The following DAPK2 variants were observed in gnomAD, a reference collection of about 807,000 sequenced individuals.
DAPK2 encodes death-associated protein kinase 2.
DAPK2 carries 35 observed loss-of-function variants against 44.1 expected under a neutral mutation model. The observed-to-expected ratio is 0.79, with a 90% CI of 0.61 to 1.05. DAPK2 has a LOEUF of 1.05. DAPK2 is among the 50% of genes least tolerant of loss of function. DAPK2 has a pLI of 0.00. For missense variants in DAPK2, 453 were observed against 483.2 expected (o/e 0.94, Z 0.59); for synonymous variants, 174 against 182.6 (o/e 0.95, Z 0.38).
In DAPK2 at chr15:63,990,355, G is replaced by A. The variant is rs1349762248; in HGVS notation, c.93-6601C>T. The stretch of plus-strand genomic sequence containing the variant: ...AAGCACAATAATTGTTTGAACCTGG[G>A]AGGTGGAGGTTGCAGTGAGCTGAGA... On this transcript the variant is annotated intron_variant, in intron 1 of 10. Transcript: ENST00000261891. The surrounding 1 kb of genome is among the most constrained non-coding windows in gnomAD (Gnocchi z 4.3). Among the ~76,000 whole-genome samples the A allele has an allele frequency of 1.3e-5, 2 of 151,998 alleles. No individual in the cohort carries two copies. The highest frequency in any genetic ancestry group is 2.9e-5 in the Non-Finnish European group (2 of 68,004).
intron 3 of DAPK2, among the ~76,000 whole-genome samples, chr15:63,957,111 T>G (rs527873082): frequency 1.3e-5 from 2 of 152,390 alleles, no homozygotes; most frequent in East Asian, 3.9e-4. Context: ...CAATGTTGGA[T>G]GCATACATAT....
At chr15:63,938,980 C>T (rs1049790906) in intron 4 of DAPK2, among the ~76,000 whole-genome samples, 3 of 152,190 alleles carry the variant, frequency 2.0e-5, no homozygotes, top group Non-Finnish European at 4.4e-5. Flanking sequence ...TTTAACCTTA[C>T]AGGCTGTAGC....
At chr15:64,039,359 G>A (rs1339369627) in intron 1 of DAPK2, among the ~76,000 whole-genome samples, 3 of 152,192 alleles carry the variant, frequency 2.0e-5, no homozygotes, top group African/African-American at 7.2e-5. Context: ...GGTGCAAAAT[G>A]GACTGGTCAG....
chr15:63,967,032 T>A (rs62021463), intron 3 of DAPK2, among the ~76,000 whole-genome samples: 14,940 of 151,700 alleles, frequency 0.098, 982 homozygotes, highest in Middle Eastern at 0.22. Context: ...ACAAAAAAAT[T>A]AGCCGGGCAT....
chr15:63,953,399 C>T (rs974745889), intron 3 of DAPK2, among the ~76,000 whole-genome samples: 6 of 152,172 alleles, frequency 3.9e-5, no homozygotes, highest in Non-Finnish European at 8.8e-5. Flanking sequence ...TGGCTTATTT[C>T]ACTTAACATA....
chr15:63,945,407 C>T (rs1296139132), intron 3 of DAPK2, among the ~76,000 whole-genome samples: 2 of 152,182 alleles, frequency 1.3e-5, no homozygotes, highest in Admixed American at 6.5e-5. Flanking sequence ...TTGAAAGAAT[C>T]CAGGGCCAGA....
At chr15:63,971,681 C>A in intron 2 of DAPK2, 120 bp from the exon 4 acceptor site, 1 of 1,084,150 alleles carries the variant, frequency 9.2e-7, no homozygotes, top group Admixed American at 2.8e-5. Flanking sequence ...ATGGCAGAAT[C>A]CCCCTGGCTT....
intron 1 of DAPK2, among the ~76,000 whole-genome samples, chr15:64,024,720 T>A (rs2079789162): frequency 6.6e-6 from 1 of 152,184 alleles, no homozygotes; most frequent in South Asian, 2.1e-4. Flanking sequence ...ATCTTGTCTC[T>A]TAGCCTGCAA....
In DAPK2 at chr15:63,912,292, G is replaced by A. The variant is rs1026455822; in HGVS notation, c.859-95C>T. Reference sequence around the variant, plus strand: ...ACTCCCCACCCACCGCATGCCCACCGCCCTTGGCTTGACCCTGGCATCTCC... The same window carrying A: ...ACTCCCCACCCACCGCATGCCCACCACCCTTGGCTTGACCCTGGCATCTCC... On this transcript the variant is annotated intron_variant, in intron 8 of 10. Coordinates refer to ENST00000261891, the Ensembl canonical transcript of DAPK2. This position sits in a 1 kb window ranked among gnomAD's most constrained non-coding sequence, Gnocchi z 4.4. The A allele has an allele frequency of 1.1e-4, 144 of 1,288,644 alleles. No individual in the cohort carries two copies. Among genetic ancestry groups the A allele is most frequent in the Admixed American group, 7.3e-5 (4 of 54,604 alleles). The allele number at this position is 1,288,644 out of a possible 1,614,324, so 79.8% of individuals were successfully genotyped here.
chr15:63,924,285 C>G (rs2079175015), intron 8 of DAPK2, among the ~76,000 whole-genome samples: 1 of 152,200 alleles, frequency 6.6e-6, no homozygotes, highest in East Asian at 1.9e-4. Flanking sequence ...CCAGAGGGAA[C>G]AGAATTGCCC....
chr15:64,029,268 TG>T (rs1480132723), intron 1 of DAPK2, among the ~76,000 whole-genome samples: 1 of 152,196 alleles, frequency 6.6e-6, no homozygotes, highest in African/African-American at 2.4e-5. Flanking sequence ...TTTGTCTGAG[TG>T]GCTTTGTGCT....
chr15:63,962,392 G>A (rs1022479662), intron 3 of DAPK2, among the ~76,000 whole-genome samples: 14 of 152,340 alleles, frequency 9.2e-5, no homozygotes, highest in South Asian at 8.3e-4. Context: ...CATTGCTGGC[G>A]AGGAGCTGCG....
rs1312970183 is a variant in DAPK2 at position 63,923,250 on chromosome 15, A to G, written c.858+1566T>C. On this transcript the variant is annotated intron_variant, in intron 8 of 10. Coordinates refer to ENST00000261891, the Ensembl canonical transcript of DAPK2. This position sits in a 1 kb window ranked among gnomAD's most constrained non-coding sequence, Gnocchi z 4.2. ...TAGGAGTTGTTGGGAGGCATGCTTG[A>G]GTGGCATTTGAGAGTGTACTCTCTC... The G allele has an allele frequency of 2.0e-6, 3 of 1,535,762 alleles. No individual in the cohort carries two copies. In the African/African-American group the frequency reaches 4.1e-5, roughly 21 times the overall value.
At chr15:63,991,944 CA>C (rs1373931257) in intron 1 of DAPK2, among the ~76,000 whole-genome samples, 1 of 152,166 alleles carries the variant, frequency 6.6e-6, no homozygotes, top group African/African-American at 2.4e-5. Context: ...GGGCCTGCAG[CA>C]GCTGCTTTTA....
intron 2 of DAPK2, among the ~76,000 whole-genome samples, chr15:63,971,884 A>G (rs932566976): frequency 2.6e-5 from 4 of 152,202 alleles, no homozygotes; most frequent in African/African-American, 9.7e-5. Context: ...ATGGCAGGGG[A>G]CAAAAACAAG....
chr15:63,995,023 A>G (rs942073267), intron 1 of DAPK2, among the ~76,000 whole-genome samples: 4 of 152,136 alleles, frequency 2.6e-5, no homozygotes, highest in East Asian at 1.9e-4. Context: ...TTAATATCTA[A>G]TTTTAAATGG....
At position 64,002,954 on chromosome 15, in the gene DAPK2, G is replaced by GTCGTGGGACC. The variant is rs1567266462; in HGVS notation, c.93-19201_93-19200insGGTCCCACGA. Among the ~76,000 whole-genome samples, 229 of 128,422 alleles carry GTCGTGGGACC rather than the reference G, an allele frequency of 1.8e-3. 1 individual carries two copies. The highest frequency in any genetic ancestry group is 8.7e-3 in the East Asian group (35 of 4,010). 84.2% of individuals were successfully genotyped at this position (128,422 alleles called of 152,430 possible). On this transcript the variant is annotated intron_variant, in intron 1 of 10. Transcript: ENST00000261891. ...TGTGTGTGTGTGTGTGTGTGTGTGTGTGTGTGTGTGTCGTGGGACCTGTGT... is the reference window on the plus strand; with the variant it reads ...TGTGTGTGTGTGTGTGTGTGTGTGTGTCGTGGGACCTGTGTGTGTGTCGTGGGACCTGTGT...
At chr15:64,000,155 G>T (rs887702871) in intron 1 of DAPK2, among the ~76,000 whole-genome samples, 3 of 149,200 alleles carry the variant, frequency 2.0e-5, no homozygotes. Context: ...ATGATACAAA[G>T]CACTTGCCTG....
At chr15:63,973,451 C>T (rs1035838600) in intron 2 of DAPK2, among the ~76,000 whole-genome samples, 7 of 152,210 alleles carry the variant, frequency 4.6e-5, no homozygotes, top group Admixed American at 4.6e-4. Context: ...TGGCTCAGAA[C>T]CTGTCACTCC....
Sources: gnomAD v4.1 joint callset for allele counts (sites outside exome capture counted in the v4.1 genomes callset) on GRCh38, gnomAD v4.1.1 for gene constraint, Gnocchi (gnomAD v3.1) non-coding constraint, MANE v1.5 for transcripts, NCBI Gene and HGNC (gene_info 2026-07-23, HGNC 2026-07-21) for gene names.